Variants in CACNG7 observed in about 807,000 individuals in gnomAD.
CACNG7 encodes voltage-dependent calcium channel gamma-7 subunit.
A neutral mutation model predicts 26.3 loss-of-function variants in CACNG7; 9 were observed. The observed-to-expected ratio is 0.34, with a 90% CI of 0.21 to 0.60. The LOEUF (loss-of-function observed/expected upper bound fraction) is 0.60, where lower values mean the gene tolerates loss of function less well. Ranked by LOEUF, CACNG7 falls within the 20% of genes least tolerant of loss-of-function variation. CACNG7 has a pLI of 0.81. For synonymous variants in CACNG7, 170 were observed against 157.0 expected, an observed-to-expected ratio of 1.08 and a Z score of -0.62; for missense variants, 297 against 380.4, an observed-to-expected ratio of 0.78 and a Z score of 1.82.
In CACNG7 at chr19:53,942,418, T is replaced by C; in HGVS notation, c.*125T>C. ...CCCACCCGGAGGAGGCTGCGCCAGC[T>C]TTAGGCCCCGCCCTCCTCCCAATGG... is the stretch of plus-strand genomic sequence containing the variant. On this transcript the variant is annotated 3_prime_UTR_variant, in exon 6 of 6. Transcript: ENST00000391767. The surrounding 1 kb of genome is among the most constrained non-coding windows in gnomAD (Gnocchi z 5.9). 1.3e-6 allele frequency: 2 copies of C among 1,501,330 alleles called. No homozygotes were observed. Among genetic ancestry groups the C allele is most frequent in the Non-Finnish European group, 8.8e-7 (1 of 1,130,422 alleles). The allele number at this position is 1,501,330 out of a possible 1,614,324, so 93.0% of individuals were successfully genotyped here.
intron 4 of CACNG7, among the ~76,000 whole-genome samples, chr19:53,923,650 C>CCCAGGTCTGGTCATTGGTGG (rs1568776552): frequency 1.6e-5 from 1 of 63,674 alleles, no homozygotes; most frequent in South Asian, 5.6e-4. Flanking sequence ...GTCATTGGTG[C>CCCAGGTCTGGTCATTGGTGG]AGTTGCCCCA....
Position 53,931,134 on chromosome 19 carries a change from C to T in CACNG7, c.425-10336C>T, listed in dbSNP as rs560543225. ...TGGCTTGAGCCCAGGAGGCAGAGGT[C>T]GCCATAAGCTGAGATCGTGCCACTA... On this transcript the variant is annotated intron_variant, in intron 4 of 5. Transcript: ENST00000391767. Among the ~76,000 whole-genome samples the T allele has an allele frequency of 5.8e-4, 88 of 152,030 alleles. 1 individual carries two copies. The South Asian group carries it at 0.016, about 27-fold the overall frequency.
chr19:53,932,277 TA>T (rs1211643757), intron 4 of CACNG7, among the ~76,000 whole-genome samples: 3 of 148,282 alleles, frequency 2.0e-5, no homozygotes, highest in South Asian at 4.2e-4. Flanking sequence ...AAAAAAGAAT[TA>T]AAAAATAAAA....
intron 4 of CACNG7, among the ~76,000 whole-genome samples, chr19:53,930,311 C>T (rs919435391): frequency 6.6e-6 from 1 of 151,760 alleles, no homozygotes; most frequent in Non-Finnish European, 1.5e-5. Context: ...TGGGTTCAAG[C>T]AATTCTTCTG....
In CACNG7 at chr19:53,942,745, C is replaced by T. The variant is rs1304152232; in HGVS notation, c.*452C>T. 5 of 204,620 alleles carry T rather than the reference C, an allele frequency of 2.4e-5. No homozygotes were observed. The highest frequency in any genetic ancestry group is 4.5e-5 in the Non-Finnish European group (5 of 110,608). The allele number at this position is 204,620 out of a possible 1,614,324, so 12.7% of individuals were successfully genotyped here. ...TCGGGAATACCGACCATCCTCTTCT[C>T]CCTTCTAACCTGGGCTTCCTTTTTC... On this transcript the variant is annotated 3_prime_UTR_variant, in exon 6 of 6. Transcript: ENST00000391767. This position sits in a 1 kb window ranked among gnomAD's most constrained non-coding sequence, Gnocchi z 5.9.
intron 4 of CACNG7, among the ~76,000 whole-genome samples, chr19:53,929,605 C>A: frequency 6.6e-6 from 1 of 151,934 alleles, no homozygotes; most frequent in Non-Finnish European, 1.5e-5. Context: ...TACAGGCGCC[C>A]GCCACCATGC....
At position 53,931,465 on chromosome 19, in the gene CACNG7, C is replaced by T. The variant is rs116112354; in HGVS notation, c.425-10005C>T. Among the ~76,000 whole-genome samples the T allele has an allele frequency of 9.4e-3, 1,434 of 151,784 alleles. 23 individuals carry two copies. Among genetic ancestry groups the T allele is most frequent in the African/African-American group, 0.033 (1,380 of 41,438 alleles). On this transcript the variant is annotated intron_variant, in intron 4 of 5. Transcript: ENST00000391767. ...ACTTTGGGAGGCCGAGCTGGGCAGACCATTTGAGGTCAGGTGTTTGAGACC... is the reference window on the plus strand; with the variant it reads ...ACTTTGGGAGGCCGAGCTGGGCAGATCATTTGAGGTCAGGTGTTTGAGACC...
chr19:53,912,860 C>A lies in CACNG7; in HGVS notation c.29C>A (p.Thr10Asn), dbSNP rs933254299. The part of the protein sequence containing the change: MSHCSSRAL[T>N]LLSSVFGACG... ...AGTCACTGCAGCAGCCGCGCCCTGA[C>A]CCTGCTGAGCAGCGTGTTTGGTGCG... Residue 10 changes from threonine to asparagine, a missense_variant, in exon 2 of 6, where the codon ACC (threonine) becomes AAC (asparagine). Physicochemically the swap from Thr to Asn is moderately conservative, Grantham distance 65. Transcript: ENST00000391767. This position sits in a 1 kb window ranked among gnomAD's most constrained non-coding sequence, Gnocchi z 4.6. 3 of 1,613,516 alleles carry A rather than the reference C, an allele frequency of 1.9e-6. No individual in the cohort carries two copies. The highest frequency in any genetic ancestry group is 2.5e-6 in the Non-Finnish European group (3 of 1,180,032).
intron 4 of CACNG7, among the ~76,000 whole-genome samples, chr19:53,919,510 G>T (rs145632303): frequency 1.4e-5 from 2 of 146,120 alleles, no homozygotes; most frequent in African/African-American, 5.4e-5. Context: ...GTTGTCCCCA[G>T]GCCTGGTATT....
chr19:53,914,284 A>AAAAAAG (rs1393070752), intron 2 of CACNG7, among the ~76,000 whole-genome samples: 1 of 99,730 alleles, frequency 1.0e-5, no homozygotes, highest in Non-Finnish European at 2.3e-5. Context: ...AAAAAAAAAA[A>AAAAAAG]AAAGAAAAAA....
Position 53,913,021 on chromosome 19 carries a change from TTTGCAGGTACAGCCCTCACC to T in CACNG7, c.191_196+14del. 6.2e-7 allele frequency: 1 copy of T among 1,610,350 alleles called. No homozygotes were observed. On this transcript the variant is annotated splice_donor_variant and splice_donor_5th_base_variant and coding_sequence_variant and intron_variant, in exon 2 of 6. Transcript: ENST00000391767. LOFTEE classifies it high-confidence loss of function. ...CGCCGGCCTCTGGCGAGTCTGCTTC[TTTGCAGGTACAGCCCTCACC>T]CGTCTTCCACTCAACAGTTTCTGCC... is the stretch of plus-strand genomic sequence containing the variant.
intron 4 of CACNG7, among the ~76,000 whole-genome samples, chr19:53,931,937 A>T (rs1275730835): frequency 6.7e-6 from 1 of 150,300 alleles, no homozygotes; most frequent in Non-Finnish European, 1.5e-5. Flanking sequence ...AATTTTTTCT[A>T]TTTTTAGTAG....
intron 4 of CACNG7, among the ~76,000 whole-genome samples, chr19:53,925,312 G>C (rs1388924033): frequency 3.5e-5 from 5 of 144,198 alleles, no homozygotes; most frequent in African/African-American, 1.3e-4. Context: ...GTCATTGGTG[G>C]AGTTGTCCCC....
At chr19:53,928,563 C>T (rs1020735715) in intron 4 of CACNG7, among the ~76,000 whole-genome samples, 5 of 152,038 alleles carry the variant, frequency 3.3e-5, no homozygotes, top group African/African-American at 9.7e-5. Flanking sequence ...GCATGAGCCA[C>T]CGCACCTGGC....
intron 1 of CACNG7, among the ~76,000 whole-genome samples, chr19:53,911,004 G>A (rs532377651): frequency 1.0e-3 from 152 of 151,826 alleles, no homozygotes; most frequent in Middle Eastern, 6.8e-3. Flanking sequence ...ATGAGAGACC[G>A]TTGTTTGACT....
chr19:53,921,394 C>CT, intron 4 of CACNG7, among the ~76,000 whole-genome samples: 5 of 148,934 alleles, frequency 3.4e-5, no homozygotes, highest in East Asian at 4.0e-4. Flanking sequence ...GTGGAGTTGC[C>CT]CCAGGTCTGG....
rs530560650 is a variant in CACNG7, at chr19:53,942,325, C to G, written c.*32C>G. The G allele has an allele frequency of 1.3e-6, 2 of 1,520,552 alleles. No homozygotes were observed. Among genetic ancestry groups the G allele is most frequent in the African/African-American group, 3.6e-5 (2 of 54,812 alleles). The allele number at this position is 1,520,552 out of a possible 1,614,324, so 94.2% of individuals were successfully genotyped here. A position where few individuals can be genotyped will look rare whatever the true frequency, so the allele number is the denominator to read the frequency against. ...CCCCTCGGAGCTCCCCCTGCCTCCTCCTCCTCCTCGTCTTAGGGGGGTCTC... is the reference window on the plus strand; with the variant it reads ...CCCCTCGGAGCTCCCCCTGCCTCCTGCTCCTCCTCGTCTTAGGGGGGTCTC... On this transcript the variant is annotated 3_prime_UTR_variant, in exon 6 of 6. Coordinates refer to ENST00000391767, the MANE Select transcript of CACNG7 (RefSeq NM_031896.5). This position sits in a 1 kb window ranked among gnomAD's most constrained non-coding sequence, Gnocchi z 5.9.
At position 53,920,831 on chromosome 19, in the gene CACNG7, T is replaced by G. The variant is rs1368368438; in HGVS notation, c.424+5326T>G. ...CCCAGGCTGGTCATTGGTGGAGTTG[T>G]CCCCAGGCCTGGTATTGGTGGAGTT... is the stretch of plus-strand genomic sequence containing the variant. On this transcript the variant is annotated intron_variant, in intron 4 of 5. Transcript: ENST00000391767. 1.7e-4 allele frequency among the ~76,000 whole-genome samples: 9 copies of G among 52,036 alleles called. 1 individual carries two copies. Among genetic ancestry groups the G allele is most frequent in the African/African-American group, 1.4e-3 (8 of 5,798 alleles). The allele number at this position is 52,036 out of a possible 152,430, so 34.1% of individuals were successfully genotyped here.
At chr19:53,914,430 GC>G (rs1568770085) in intron 2 of CACNG7, 69 bp from the exon 3 acceptor site, 1 of 1,351,512 alleles carries the variant, frequency 7.4e-7, no homozygotes. Flanking sequence ...TATCTGTCCT[GC>G]CCCCACCCCC....
Sources: allele counts gnomAD v4.1 joint callset (sites outside exome capture counted in the v4.1 genomes callset), GRCh38; gene constraint gnomAD v4.1.1; non-coding constraint Gnocchi (gnomAD v3.1); transcripts MANE v1.5; gene names NCBI Gene and HGNC (gene_info 2026-07-23, HGNC 2026-07-21).